DPP10: variants seen among roughly 807,000 people sequenced by gnomAD.
DPP10 encodes the protein dipeptidyl peptidase like 10.
A neutral mutation model predicts 120.9 loss-of-function variants in DPP10; 33 were observed. That is an observed-to-expected ratio of 0.27 (90% CI 0.21 to 0.37). The LOEUF (loss-of-function observed/expected upper bound fraction) is 0.37, where lower values mean the gene tolerates loss of function less well. Ranked by LOEUF, DPP10 falls within the 10% of genes least tolerant of loss-of-function variation. The pLI is 1.00. For missense variants in DPP10, 816 were observed against 942.8 expected (o/e 0.87, Z 1.76); for synonymous variants, 337 against 326.1 (o/e 1.03, Z -0.36).
chr2:115,219,703 A>C (rs2057034984), intron 1 of DPP10, among the ~76,000 whole-genome samples: 1 of 152,200 alleles, frequency 6.6e-6, no homozygotes, highest in African/African-American at 2.4e-5. Context: ...AGAATAAAAT[A>C]ATGTTAAATA....
intron 1 of DPP10, among the ~76,000 whole-genome samples, chr2:115,077,475 G>A (rs1707899488): frequency 6.6e-6 from 1 of 152,072 alleles, no homozygotes; most frequent in Admixed American, 6.6e-5. Context: ...AAATAATTAT[G>A]TAGCTTCTTC....
rs558566742 is a variant in DPP10, at chr2:115,496,375, C to G, written c.272-3135C>G. Among the ~76,000 whole-genome samples the G allele has an allele frequency of 1.1e-4, 11 of 98,420 alleles. No homozygotes were observed. In the South Asian group the frequency reaches 3.1e-3, roughly 27 times the overall value. 64.6% of individuals were successfully genotyped at this position (98,420 alleles called of 152,430 possible). A position where few individuals can be genotyped will look rare whatever the true frequency, so the allele number is the denominator to read the frequency against. ...TAGATCTAAAGGTATTTACAAATCTCAATTCTCTGTAGATTTTTCTCAAGG... is the reference window on the plus strand; with the variant it reads ...TAGATCTAAAGGTATTTACAAATCTGAATTCTCTGTAGATTTTTCTCAAGG... On this transcript the variant is annotated intron_variant, in intron 3 of 25. Coordinates refer to ENST00000410059, the MANE Select transcript of DPP10 (RefSeq NM_020868.6).
intron 13 of DPP10, among the ~76,000 whole-genome samples, chr2:115,776,472 C>G (rs1192090410): frequency 1.1e-4 from 17 of 152,068 alleles, no homozygotes; most frequent in Admixed American, 1.1e-3. Context: ...GCATAGTAGT[C>G]CATGGTGTAT....
At chr2:114,460,301 A>C (rs1259542836) in intron 1 of DPP10, among the ~76,000 whole-genome samples, 1 of 152,190 alleles carries the variant, frequency 6.6e-6, no homozygotes, top group East Asian at 1.9e-4. Context: ...TAAAATGATC[A>C]GTACTAGTAA....
intron 1 of DPP10, among the ~76,000 whole-genome samples, chr2:114,736,641 G>C (rs915296540): frequency 1.3e-5 from 2 of 152,270 alleles, no homozygotes; most frequent in African/African-American, 4.8e-5. Flanking sequence ...AAAGCTTACT[G>C]TCTCCTTCAT....
intron 1 of DPP10, among the ~76,000 whole-genome samples, chr2:114,973,903 G>GA (rs934273893): frequency 2.6e-5 from 4 of 151,196 alleles, no homozygotes; most frequent in African/African-American, 7.3e-5. Flanking sequence ...GCTTTAAAAA[G>GA]AAAAAAACTA....
intron 1 of DPP10, among the ~76,000 whole-genome samples, chr2:115,041,825 T>C (rs533723687): frequency 1.3e-5 from 2 of 152,122 alleles, no homozygotes; most frequent in South Asian, 2.1e-4. Flanking sequence ...TTGAGTAATG[T>C]TGTGATTTAA....
chr2:115,783,181 TG>T (rs200077148), intron 17 of DPP10, among the ~76,000 whole-genome samples: 5,252 of 152,192 alleles, frequency 0.035, 302 homozygotes, highest in African/African-American at 0.12. Flanking sequence ...TTGACTCACT[TG>T]AACTTTGGAA....
chr2:115,099,404 C>T lies in DPP10; in HGVS notation c.61-209835C>T, dbSNP rs1054579507. Among the ~76,000 whole-genome samples, 47 of 152,160 alleles carry T rather than the reference C, an allele frequency of 3.1e-4. 1 individual carries two copies. Among genetic ancestry groups the T allele is most frequent in the African/African-American group, 2.7e-4 (11 of 41,426 alleles). On this transcript the variant is annotated intron_variant, in intron 1 of 25. Coordinates refer to ENST00000410059, the MANE Select transcript of DPP10 (RefSeq NM_020868.6). ...GTGAAACAGCAGCCATACTTTCTCC[C>T]GGTGATCAAGGTAGCATCTCCAGGA...
At chr2:114,588,945 T>C (rs1167960750) in intron 1 of DPP10, among the ~76,000 whole-genome samples, 1 of 151,100 alleles carries the variant, frequency 6.6e-6, no homozygotes, top group Non-Finnish European at 1.5e-5. Context: ...AACTCATGTA[T>C]CTGATTCTCT....
chr2:114,603,683 CTT>C, intron 1 of DPP10, among the ~76,000 whole-genome samples: 1 of 152,142 alleles, frequency 6.6e-6, no homozygotes, highest in East Asian at 1.9e-4. Context: ...GGGCGGTAAA[CTT>C]GGGTACTTTT....
At position 114,544,116 on chromosome 2, in the gene DPP10, G is replaced by C. The variant is rs1461625000; in HGVS notation, c.60+101278G>C. Among the ~76,000 whole-genome samples the C allele has an allele frequency of 4.6e-5, 7 of 152,208 alleles. No homozygotes were observed. The East Asian group carries it at 1.4e-3, about 29-fold the overall frequency. Reference sequence around the variant, plus strand: ...GGAGCTATGCAAGTTACTGCATATAGTGTGCCATAATGTGGTTAAGTGCTT... The same window carrying C: ...GGAGCTATGCAAGTTACTGCATATACTGTGCCATAATGTGGTTAAGTGCTT... On this transcript the variant is annotated intron_variant, in intron 1 of 25. Transcript: ENST00000410059.
intron 1 of DPP10, among the ~76,000 whole-genome samples, chr2:114,744,878 C>T (rs796441843): frequency 7.9e-5 from 12 of 152,310 alleles, no homozygotes; most frequent in African/African-American, 2.9e-4. Context: ...TCTCCTGCCT[C>T]GGCCTCCTGA....
chr2:114,798,541 C>T (rs994345223), intron 1 of DPP10, among the ~76,000 whole-genome samples: 5 of 152,090 alleles, frequency 3.3e-5, no homozygotes, highest in African/African-American at 1.2e-4. Flanking sequence ...TAAGGGCTCT[C>T]AGGCACTGAA....
chr2:115,169,167 G>C (rs987131598), intron 1 of DPP10, among the ~76,000 whole-genome samples: 1 of 152,088 alleles, frequency 6.6e-6, no homozygotes, highest in African/African-American at 2.4e-5. Context: ...CCATTTACTA[G>C]GCAATTTATA....
chr2:115,664,847 C>A (rs1276711976), intron 5 of DPP10, among the ~76,000 whole-genome samples: 1 of 130,790 alleles, frequency 7.6e-6, no homozygotes, highest in Non-Finnish European at 1.9e-5. Context: ...TAAGCTTTTG[C>A]TGTTCAACAC....
intron 1 of DPP10, among the ~76,000 whole-genome samples, chr2:114,639,291 A>G (rs912335593): frequency 6.6e-6 from 1 of 151,522 alleles, no homozygotes; most frequent in African/African-American, 2.4e-5. Flanking sequence ...CATGACACTT[A>G]CTCCCCATCG....
chr2:115,549,055 T>C (rs969708153), intron 5 of DPP10, among the ~76,000 whole-genome samples: 1 of 152,160 alleles, frequency 6.6e-6, no homozygotes, highest in Non-Finnish European at 1.5e-5. Flanking sequence ...CTGCAAATAC[T>C]TAATCAGGCC....
chr2:115,667,139 T>C (rs903919052), intron 5 of DPP10, among the ~76,000 whole-genome samples: 1 of 152,148 alleles, frequency 6.6e-6, no homozygotes, highest in African/African-American at 2.4e-5. Flanking sequence ...TTGTTAGCCA[T>C]TTGTGTTTTT....
Sources: gnomAD v4.1 joint callset for allele counts (sites outside exome capture counted in the v4.1 genomes callset) on GRCh38, gnomAD v4.1.1 for gene constraint, MANE v1.5 for transcripts, NCBI Gene and HGNC (gene_info 2026-07-23, HGNC 2026-07-21) for gene names.